Variants in DOCK4 observed in about 807,000 individuals in gnomAD.
DOCK4 encodes dedicator of cytokinesis 4, also known as dedicator of cytokinesis protein 4.
Under a neutral mutation model 268.1 loss-of-function variants are expected in DOCK4, and 97 were observed. That is an observed-to-expected ratio of 0.36 (90% CI 0.31 to 0.43). DOCK4 has a LOEUF of 0.43. Ranked by LOEUF, DOCK4 falls within the 20% of genes least tolerant of loss-of-function variation. The pLI, the probability that DOCK4 is intolerant of heterozygous loss-of-function variation, is 1.00. For missense variants in DOCK4, 2,145 were observed against 2,455.7 expected, an observed-to-expected ratio of 0.87 and a Z score of 2.67; for synonymous variants, 954 against 887.2, an observed-to-expected ratio of 1.08 and a Z score of -1.34.
intron 1 of DOCK4, among the ~76,000 whole-genome samples, chr7:112,045,771 A>G (rs1804772207): frequency 6.6e-6 from 1 of 152,210 alleles, no homozygotes. Context: ...TGGTGAGAGC[A>G]CACCATTTTG....
intron 8 of DOCK4, among the ~76,000 whole-genome samples, chr7:111,952,100 A>G (rs1796099391): frequency 6.6e-6 from 1 of 152,014 alleles, no homozygotes; most frequent in Admixed American, 6.6e-5. Flanking sequence ...TGCGAAAAAA[A>G]AAAAAAATCA....
At chr7:111,962,749 T>C (rs929076788) in intron 8 of DOCK4, among the ~76,000 whole-genome samples, 2 of 152,198 alleles carry the variant, frequency 1.3e-5, no homozygotes, top group African/African-American at 2.4e-5. Flanking sequence ...ACAAAATTTA[T>C]ATGGAAATGA....
intron 16 of DOCK4, among the ~76,000 whole-genome samples, chr7:111,886,591 C>A (rs1232464454): frequency 1.3e-5 from 2 of 152,040 alleles, no homozygotes; most frequent in Non-Finnish European, 2.9e-5. Flanking sequence ...ATAAAAGGGT[C>A]ATCAAGCAGG....
At chr7:111,969,303 C>G (rs1296525603) in intron 8 of DOCK4, among the ~76,000 whole-genome samples, 1 of 149,850 alleles carries the variant, frequency 6.7e-6, no homozygotes, top group Non-Finnish European at 1.5e-5. Context: ...GCTTCCAATT[C>G]TGTATGAAAG....
At chr7:111,953,009 T>C (rs1031074722) in intron 8 of DOCK4, among the ~76,000 whole-genome samples, 1 of 152,052 alleles carries the variant, frequency 6.6e-6, no homozygotes, top group Admixed American at 6.6e-5. Context: ...GCAGATCACT[T>C]GAGCCTCGGA....
chr7:111,844,744 A>T lies in DOCK4; in HGVS notation c.2736+19T>A. ...ATAACCAGGCCCTGTTCCACGTGCCATCTGCTCTATGATCTTACAGTGACA... is the reference window on the plus strand; with the variant it reads ...ATAACCAGGCCCTGTTCCACGTGCCTTCTGCTCTATGATCTTACAGTGACA... On this transcript the variant is annotated intron_variant, in intron 25 of 52. Transcript: ENST00000428084. 1.2e-6 allele frequency: 2 copies of T among 1,606,338 alleles called. No individual in the cohort carries two copies. Among genetic ancestry groups the T allele is most frequent in the Non-Finnish European group, 1.7e-6 (2 of 1,176,432 alleles).
chr7:112,009,580 ATTC>A (rs1801128727), intron 1 of DOCK4, among the ~76,000 whole-genome samples: 1 of 151,896 alleles, frequency 6.6e-6, no homozygotes, highest in Admixed American at 6.6e-5. Flanking sequence ...TTCTAAAGGA[ATTC>A]TTAGACCTCT....
intron 39 of DOCK4, among the ~76,000 whole-genome samples, chr7:111,763,233 G>T (rs1797567682): frequency 1.3e-5 from 2 of 152,256 alleles, no homozygotes; most frequent in South Asian, 4.1e-4. Context: ...GATTACAGGT[G>T]TGAGCCACTG....
intron 12 of DOCK4, among the ~76,000 whole-genome samples, chr7:111,920,253 T>C (rs866667034): frequency 3.3e-5 from 5 of 152,300 alleles, no homozygotes; most frequent in Middle Eastern, 3.4e-3. Context: ...AATAATAATA[T>C]ACTGCATACT....
chr7:112,099,904 G>A (rs568873537), intron 1 of DOCK4, among the ~76,000 whole-genome samples: 1 of 152,148 alleles, frequency 6.6e-6, no homozygotes, highest in South Asian at 2.1e-4. Context: ...TAATGAACAG[G>A]TTGTGTTTTT....
chr7:111,906,535 G>A (rs1237029712), intron 13 of DOCK4, among the ~76,000 whole-genome samples: 1 of 152,134 alleles, frequency 6.6e-6, no homozygotes, highest in African/African-American at 2.4e-5. Flanking sequence ...TGGGTGGGCT[G>A]GGTGGCCCCT....
chr7:111,760,996 G>C (rs1217251177), intron 39 of DOCK4, among the ~76,000 whole-genome samples: 1 of 151,860 alleles, frequency 6.6e-6, no homozygotes, highest in African/African-American at 2.4e-5. Flanking sequence ...ACTCATATAA[G>C]CTTGAGAGGT....
At chr7:111,845,073 C>T (rs1446371466) in intron 24 of DOCK4, among the ~76,000 whole-genome samples, 176 bp from the exon 25 acceptor site, 1 of 152,148 alleles carries the variant, frequency 6.6e-6, no homozygotes, top group Non-Finnish European at 1.5e-5. Flanking sequence ...CCCAAGAGTA[C>T]ACAACTCAGT....
chr7:112,003,491 A>G (rs1800607558), intron 2 of DOCK4, among the ~76,000 whole-genome samples: 1 of 152,228 alleles, frequency 6.6e-6, no homozygotes, highest in Non-Finnish European at 1.5e-5. Flanking sequence ...ACATTTGAGA[A>G]CCATTAGCTA....
chr7:112,124,751 C>T (rs942545573), intron 1 of DOCK4, among the ~76,000 whole-genome samples: 2 of 152,156 alleles, frequency 1.3e-5, no homozygotes, highest in Non-Finnish European at 2.9e-5. Flanking sequence ...TTTAAGAAAA[C>T]CACTTAGCTA....
At chr7:112,181,985 T>C (rs1819089880) in intron 1 of DOCK4, among the ~76,000 whole-genome samples, 2 of 152,184 alleles carry the variant, frequency 1.3e-5, no homozygotes, top group Non-Finnish European at 2.9e-5. Flanking sequence ...ATCACTAATC[T>C]TTTTTACCTT....
At chr7:111,741,308 C>A in intron 46 of DOCK4, 94 bp from the exon 47 acceptor site, 2 of 1,520,722 alleles carry the variant, frequency 1.3e-6, no homozygotes, top group South Asian at 1.2e-5. Flanking sequence ...GGGGAAAATA[C>A]ATTCCGTTTT....
At chr7:112,200,738 A>AAAAAT (rs527792738) in intron 1 of DOCK4, among the ~76,000 whole-genome samples, 2 of 97,230 alleles carry the variant, frequency 2.1e-5, no homozygotes, top group Non-Finnish European at 3.7e-5. Context: ...AAAAAAAAAA[A>AAAAAT]CAAAAAAAAA....
At chr7:112,098,920 T>C (rs909807374) in intron 1 of DOCK4, among the ~76,000 whole-genome samples, 1 of 151,914 alleles carries the variant, frequency 6.6e-6, no homozygotes, top group African/African-American at 2.4e-5. Context: ...TTACAACACC[T>C]AAAAAGCAAA....
Sources: gnomAD v4.1 joint callset for allele counts (sites outside exome capture counted in the v4.1 genomes callset) on GRCh38, gnomAD v4.1.1 for gene constraint, MANE v1.5 for transcripts, NCBI Gene and HGNC (gene_info 2026-07-23, HGNC 2026-07-21) for gene names.